STARD13: variants seen among roughly 807,000 people sequenced by gnomAD.
STARD13 encodes stAR-related lipid transfer protein 13.
STARD13 carries 62 observed loss-of-function variants against 106.4 expected under a neutral mutation model. The observed-to-expected ratio is 0.58, with a 90% CI of 0.48 to 0.72. STARD13 has a LOEUF of 0.72. STARD13 is among the 30% of genes least tolerant of loss of function. The pLI, the probability that STARD13 is intolerant of heterozygous loss-of-function variation, is 0.00. For missense variants in STARD13, 1,387 were observed against 1,424.0 expected, an observed-to-expected ratio of 0.97 and a Z score of 0.42; for synonymous variants, 565 against 553.0, an observed-to-expected ratio of 1.02 and a Z score of -0.31.
At position 33,104,737 on chromosome 13, in the gene STARD13, G is replaced by C. The variant is rs940555092; in HGVS notation, c.*856C>G. The stretch of plus-strand genomic sequence containing the variant: ...AAGGCTATGATATTCATCTTGACTT[G>C]GGGTCTGTAGTGATGGGCATGGGAG... On this transcript the variant is annotated 3_prime_UTR_variant, in exon 14 of 14. Transcript: ENST00000336934. 6.5e-6 allele frequency: 1 copy of C among 153,508 alleles called. No individual in the cohort carries two copies. Among genetic ancestry groups the C allele is most frequent in the Non-Finnish European group, 1.5e-5 (1 of 68,030 alleles). 9.5% of individuals were successfully genotyped at this position (153,508 alleles called of 1,614,324 possible).
the STARD13 span, among the ~76,000 whole-genome samples, chr13:33,557,757 G>A: frequency 6.6e-6 from 1 of 152,154 alleles, no homozygotes; most frequent in Non-Finnish European, 1.5e-5. Flanking sequence ...CACTCATTTA[G>A]TAAGCCAAGG....
intron 1 of STARD13, among the ~76,000 whole-genome samples, chr13:33,230,345 GA>G (rs1888853029): frequency 6.6e-6 from 1 of 152,194 alleles, no homozygotes; most frequent in African/African-American, 2.4e-5. Flanking sequence ...ACCTTGGTTA[GA>G]AAGAAGAAGA....
At chr13:33,306,048 G>A (rs140959747) in intron 1 of STARD13, among the ~76,000 whole-genome samples, 1 of 152,302 alleles carries the variant, frequency 6.6e-6, no homozygotes, top group African/African-American at 2.4e-5. Flanking sequence ...AACAAAGCTG[G>A]AGACAGCAAG....
chr13:33,640,586 T>C, the STARD13 span, among the ~76,000 whole-genome samples: 19 of 152,224 alleles, frequency 1.2e-4, no homozygotes, highest in Non-Finnish European at 2.6e-4. Context: ...GATGGTTTTG[T>C]TATTTGTCAA....
At chr13:33,494,017 C>A in the STARD13 span, among the ~76,000 whole-genome samples, 1 of 76,430 alleles carries the variant, frequency 1.3e-5, no homozygotes, top group South Asian at 4.6e-4. Context: ...ACTTTGGGAA[C>A]CCTGTGTTCA....
intron 1 of STARD13, among the ~76,000 whole-genome samples, chr13:33,270,855 G>C (rs568911803): frequency 1.3e-5 from 2 of 152,130 alleles, no homozygotes; most frequent in African/African-American, 4.8e-5. Context: ...CTATAGTAAA[G>C]GTTGTCTCTG....
At chr13:33,289,065 C>G (rs867482674), upstream of STARD13, among the ~76,000 whole-genome samples, 1 of 152,158 alleles carries the variant, frequency 6.6e-6, no homozygotes, top group Non-Finnish European at 1.5e-5. Flanking sequence ...ACTGAGAGAG[C>G]TGGTCCTCTT....
chr13:33,358,285 A>G, the STARD13 span, among the ~76,000 whole-genome samples: 115 of 152,298 alleles, frequency 7.6e-4, no homozygotes, highest in Non-Finnish European at 9.6e-4. Context: ...GCTCCTGTGC[A>G]GCCCGAGCCT....
chr13:33,429,928 G>T, the STARD13 span, among the ~76,000 whole-genome samples: 42 of 116,050 alleles, frequency 3.6e-4, no homozygotes, highest in South Asian at 2.1e-3. Context: ...CTTTTTTTTT[G>T]GGGGGGGGGG....
chr13:33,402,237 T>C, the STARD13 span, among the ~76,000 whole-genome samples: 1 of 152,210 alleles, frequency 6.6e-6, no homozygotes, highest in Non-Finnish European at 1.5e-5. Flanking sequence ...CTCACCAAGA[T>C]AGCAATGACA....
chr13:33,248,541 G>A (rs1889944409), intron 1 of STARD13, among the ~76,000 whole-genome samples: 1 of 152,162 alleles, frequency 6.6e-6, no homozygotes, highest in Non-Finnish European at 1.5e-5. Flanking sequence ...GGTGGGGAAG[G>A]AGCAGCAGGG....
the STARD13 span, among the ~76,000 whole-genome samples, chr13:33,497,999 T>C: frequency 2.6e-5 from 4 of 152,128 alleles, no homozygotes; most frequent in African/African-American, 9.7e-5. Context: ...ACAACCAACT[T>C]TTTACTAGCA....
chr13:33,490,986 C>T, the STARD13 span, among the ~76,000 whole-genome samples: 1 of 152,178 alleles, frequency 6.6e-6, no homozygotes, highest in African/African-American at 2.4e-5. Context: ...AGTGGGCAAC[C>T]GAACAAGGGA....
rs773488321 is a variant in STARD13 at position 33,130,207 on chromosome 13, T to C, written c.470A>G (p.Asp157Gly). 2 of 1,612,076 alleles carry C rather than the reference T, an allele frequency of 1.2e-6. No homozygotes were observed. Among genetic ancestry groups the C allele is most frequent in the Non-Finnish European group, 1.7e-6 (2 of 1,179,866 alleles). Reference sequence around the variant, plus strand: ...TCGAGGGAGCAGCGTGTAGAGGTCGTCCACACGAGACCACCTGCGACTGGT... The same window carrying C: ...TCGAGGGAGCAGCGTGTAGAGGTCGCCCACACGAGACCACCTGCGACTGGT... ...QRTSRRWSRV[D>G]DLYTLLPRGD... is the part of the protein sequence containing the mutation. Residue 157 changes from aspartate to glycine, a missense_variant, in exon 5 of 14, where the codon GAC (aspartate) becomes GGC (glycine). Transcript: ENST00000336934. The surrounding 1 kb of genome is among the most constrained non-coding windows in gnomAD (Gnocchi z 4.1).
chr13:33,661,850 G>A, the STARD13 span, among the ~76,000 whole-genome samples: 15 of 151,310 alleles, frequency 9.9e-5, no homozygotes, highest in Admixed American at 3.9e-4. Context: ...GTGTATCTAC[G>A]TATGGGAGGG....
At chr13:33,110,474 G>A (rs1255053011) in intron 11 of STARD13, among the ~76,000 whole-genome samples, 1 of 152,162 alleles carries the variant, frequency 6.6e-6, no homozygotes, top group African/African-American at 2.4e-5. Context: ...GGGAGAGACA[G>A]GACCGGGATC....
At chr13:33,323,667 T>G (rs902772606) in intron 1 of STARD13, among the ~76,000 whole-genome samples, 1 of 152,198 alleles carries the variant, frequency 6.6e-6, no homozygotes, top group African/African-American at 2.4e-5. Flanking sequence ...CATTTTTCTA[T>G]ACTTTAAACT....
At chr13:33,323,749 T>C (rs981805698) in intron 1 of STARD13, among the ~76,000 whole-genome samples, 6 of 152,234 alleles carry the variant, frequency 3.9e-5, no homozygotes, top group African/African-American at 4.8e-5. Flanking sequence ...GCCAGAAATA[T>C]GCATCATGCT....
chr13:33,168,515 C>A (rs1343545335), intron 1 of STARD13, among the ~76,000 whole-genome samples: 1 of 152,102 alleles, frequency 6.6e-6, no homozygotes, highest in African/African-American at 2.4e-5. Flanking sequence ...AATATGAATC[C>A]AAGGGGAAAG....
Sources: allele counts gnomAD v4.1 joint callset (sites outside exome capture counted in the v4.1 genomes callset), GRCh38; gene constraint gnomAD v4.1.1; non-coding constraint Gnocchi (gnomAD v3.1); transcripts MANE v1.5; gene names NCBI Gene and HGNC (gene_info 2026-07-23, HGNC 2026-07-21).